Variants in CTNNA2 observed in about 807,000 individuals in gnomAD.
CTNNA2 encodes catenin alpha 2, also known as catenin alpha-2.
A neutral mutation model predicts 101.0 loss-of-function variants in CTNNA2; 42 were observed. The ratio of observed to expected loss-of-function variants is 0.42; its 90% CI spans 0.32 to 0.54. The LOEUF (loss-of-function observed/expected upper bound fraction) is 0.54. Among genes scored for constraint, CTNNA2 ranks in the 20% least tolerant of loss-of-function variants. CTNNA2 has a pLI of 0.14. For missense variants in CTNNA2, 871 were observed against 1,223.1 expected, an observed-to-expected ratio of 0.71 and a Z score of 4.29; for synonymous variants, 450 against 456.4, an observed-to-expected ratio of 0.99 and a Z score of 0.18.
intron 1 of CTNNA2, among the ~76,000 whole-genome samples, chr2:79,608,154 T>C (rs2104163258): frequency 6.6e-6 from 1 of 152,110 alleles, no homozygotes; most frequent in Admixed American, 6.5e-5. Flanking sequence ...GCCTATAAGT[T>C]GGACAACTTA....
At chr2:79,986,695 G>A (rs796285216) in intron 7 of CTNNA2, among the ~76,000 whole-genome samples, 3 of 152,160 alleles carry the variant, frequency 2.0e-5, no homozygotes, top group Non-Finnish European at 2.9e-5. Context: ...CTACTATTCC[G>A]TTCACCTTTT....
At chr2:79,426,322 T>C (rs1319053392) in intron 4 of CTNNA2, among the ~76,000 whole-genome samples, 1 of 152,110 alleles carries the variant, frequency 6.6e-6, no homozygotes, top group African/African-American at 2.4e-5. Context: ...ACATGACTAT[T>C]TACCTAATTC....
At chr2:79,921,169 G>T (rs1167808240) in intron 7 of CTNNA2, among the ~76,000 whole-genome samples, 2 of 152,146 alleles carry the variant, frequency 1.3e-5, no homozygotes, top group African/African-American at 4.8e-5. Context: ...CCTGCTGAGG[G>T]GGTTTTGATC....
At chr2:79,245,906 C>CA (rs1030150948) in intron 2 of CTNNA2, among the ~76,000 whole-genome samples, 9 of 152,202 alleles carry the variant, frequency 5.9e-5, no homozygotes, top group African/African-American at 1.9e-4. Flanking sequence ...ACCCAGGACT[C>CA]AGTCAGGGAA....
At chr2:80,245,875 A>G in intron 7 of CTNNA2, among the ~76,000 whole-genome samples, 1 of 131,446 alleles carries the variant, frequency 7.6e-6, no homozygotes, top group East Asian at 2.2e-4. Context: ...GCTCACTGCA[A>G]GCTCTGCCTT....
intron 4 of CTNNA2, among the ~76,000 whole-genome samples, chr2:79,390,083 G>C (rs1678155765): frequency 6.6e-6 from 1 of 152,048 alleles, no homozygotes; most frequent in South Asian, 2.1e-4. Context: ...CATCAACTTG[G>C]TCATTCCCCA....
In CTNNA2 at chr2:80,524,904, A is replaced by T. The variant is rs541211160; in HGVS notation, c.1291-20078A>T. Among the ~76,000 whole-genome samples the T allele has an allele frequency of 2.0e-4, 31 of 152,206 alleles. No individual in the cohort carries two copies. The South Asian group carries it at 6.4e-3, about 32-fold the overall frequency. ...TTTATGGTCTGTATTATCTCATTAG[A>T]TGTCTCCCCCTTGCCACCCCCACCT... On this transcript the variant is annotated intron_variant, in intron 9 of 18. Coordinates refer to ENST00000402739, the MANE Select transcript of CTNNA2 (RefSeq NM_001282597.3).
At chr2:80,423,977 A>G (rs148856289) in intron 9 of CTNNA2, among the ~76,000 whole-genome samples, 6 of 151,270 alleles carry the variant, frequency 4.0e-5, no homozygotes, top group African/African-American at 1.2e-4. Context: ...TTTTTTTGAG[A>G]TGGAGTCTCG....
intron 7 of CTNNA2, among the ~76,000 whole-genome samples, chr2:80,382,721 T>C (rs1676631882): frequency 6.6e-6 from 1 of 152,204 alleles, no homozygotes; most frequent in Non-Finnish European, 1.5e-5. Flanking sequence ...TCTGCCTGAA[T>C]GTTTTCTGAT....
At chr2:79,549,187 A>G (rs1192565515) in intron 1 of CTNNA2, among the ~76,000 whole-genome samples, 4 of 152,192 alleles carry the variant, frequency 2.6e-5, no homozygotes, top group Non-Finnish European at 2.9e-5. Context: ...TAAAAAAGAT[A>G]TAGGGATTGG....
intron 3 of CTNNA2, among the ~76,000 whole-genome samples, chr2:79,780,323 C>T (rs4852522): frequency 0.43 from 65,518 of 152,064 alleles, 18,052 homozygotes; most frequent in African/African-American, 0.76. Context: ...TCAGTCATAT[C>T]TGGCTCAGAA....
intron 7 of CTNNA2, among the ~76,000 whole-genome samples, chr2:79,997,975 GATAA>G (rs1692675607): frequency 6.6e-6 from 1 of 152,158 alleles, no homozygotes; most frequent in Non-Finnish European, 1.5e-5. Flanking sequence ...CAGTGTGGGT[GATAA>G]ATAGTTAACC....
At chr2:79,359,104 A>G (rs563932058) in intron 3 of CTNNA2, among the ~76,000 whole-genome samples, 2 of 152,322 alleles carry the variant, frequency 1.3e-5, no homozygotes, top group African/African-American at 2.4e-5. Flanking sequence ...TGAGTACAAC[A>G]TAAAAAGATG....
chr2:80,339,190 CAT>C (rs769347674), intron 7 of CTNNA2, among the ~76,000 whole-genome samples: 30 of 152,042 alleles, frequency 2.0e-4, no homozygotes, highest in Admixed American at 6.5e-4. Context: ...TGTGTGTGCA[CAT>C]GTGTGTGTGT....
chr2:80,590,079 C>T (rs542455986), intron 15 of CTNNA2, among the ~76,000 whole-genome samples: 1 of 152,322 alleles, frequency 6.6e-6, no homozygotes, highest in East Asian at 1.9e-4. Flanking sequence ...TAGCTCTGAG[C>T]TAGTACCTTT....
intron 9 of CTNNA2, among the ~76,000 whole-genome samples, chr2:80,468,406 T>G (rs933901315): frequency 6.6e-6 from 1 of 151,088 alleles, no homozygotes; most frequent in Non-Finnish European, 1.5e-5. Context: ...TCATGTGCTA[T>G]TTTTCATTTA....
intron 7 of CTNNA2, among the ~76,000 whole-genome samples, chr2:80,095,897 C>T (rs1318496570): frequency 6.6e-6 from 1 of 151,966 alleles, no homozygotes; most frequent in East Asian, 1.9e-4. Context: ...TCTCTCTTTT[C>T]TTCTTTATTA....
chr2:80,466,006 T>C (rs772775858), intron 9 of CTNNA2, among the ~76,000 whole-genome samples: 4 of 152,216 alleles, frequency 2.6e-5, no homozygotes, highest in Non-Finnish European at 4.4e-5. Context: ...ACAAGTTATC[T>C]GCAACTCTTC....
intron 14 of CTNNA2, among the ~76,000 whole-genome samples, chr2:80,583,717 A>G (rs1452251802): frequency 2.0e-5 from 3 of 152,160 alleles, no homozygotes; most frequent in Non-Finnish European, 4.4e-5. Flanking sequence ...GGAAGAATAG[A>G]GTCGCAATAT....
Sources: gnomAD v4.1 joint callset for allele counts (sites outside exome capture counted in the v4.1 genomes callset) on GRCh38, gnomAD v4.1.1 for gene constraint, MANE v1.5 for transcripts, NCBI Gene and HGNC (gene_info 2026-07-23, HGNC 2026-07-21) for gene names.